The following ROBO1 variants were observed in gnomAD, a reference collection of about 807,000 sequenced individuals.
ROBO1 encodes roundabout guidance receptor 1, also known as roundabout homolog 1.
In ROBO1, 149 loss-of-function variants were observed where a neutral mutation model predicts 195.9. The observed-to-expected ratio is 0.76, with a 90% confidence interval of 0.67 to 0.87. ROBO1 has a LOEUF of 0.87. Among genes scored for constraint, ROBO1 ranks in the 40% least tolerant of loss-of-function variants. The probability of loss-of-function intolerance (pLI) is 0.00; values close to 1 mark genes in which losing one functional copy is unlikely to be tolerated. For synonymous variants in ROBO1, 816 were observed against 733.2 expected (o/e 1.11, Z -1.82); for missense variants, 1,933 against 2,068.3 (o/e 0.93, Z 1.27).
intron 3 of ROBO1, among the ~76,000 whole-genome samples, chr3:78,986,756 T>C (rs955102632): frequency 6.6e-6 from 1 of 152,156 alleles, no homozygotes; most frequent in Admixed American, 6.6e-5. Context: ...ATGTGAAGTC[T>C]TGGTTCTGAA....
At position 79,542,395 on chromosome 3, in the gene ROBO1, A is replaced by G. The variant is rs546111745; in HGVS notation, c.88+47429T>C. Among the ~76,000 whole-genome samples, 22 of 152,170 alleles carry G rather than the reference A, an allele frequency of 1.4e-4. No individual in the cohort carries two copies. The South Asian group carries it at 4.3e-3, about 30-fold the overall frequency. On this transcript the variant is annotated intron_variant, in intron 2 of 30. Coordinates refer to ENST00000464233, the MANE Select transcript of ROBO1 (RefSeq NM_002941.4). The stretch of plus-strand genomic sequence containing the variant: ...AGGTTGTAAAATTATGGCAAGAAAA[A>G]GTATAATTGTCACTTTCTAAATAAA...
chr3:79,507,235 G>T (rs1488951128), intron 2 of ROBO1, among the ~76,000 whole-genome samples: 3 of 152,192 alleles, frequency 2.0e-5, no homozygotes, highest in African/African-American at 4.8e-5. Context: ...TACGAAGAGG[G>T]TTCTTTGATA....
chr3:79,418,676 TAC>T (rs745985888), intron 2 of ROBO1, among the ~76,000 whole-genome samples: 7 of 152,146 alleles, frequency 4.6e-5, no homozygotes, highest in Non-Finnish European at 5.9e-5. Context: ...TTAGTAACTA[TAC>T]AAGAGAAAGA....
chr3:78,669,454 T>C (rs901027371), intron 11 of ROBO1, among the ~76,000 whole-genome samples: 4 of 152,190 alleles, frequency 2.6e-5, no homozygotes, highest in Non-Finnish European at 4.4e-5. Flanking sequence ...AGGACTATTC[T>C]TTCATATGCC....
At chr3:78,727,515 C>T (rs936098890) in intron 5 of ROBO1, among the ~76,000 whole-genome samples, 1 of 152,030 alleles carries the variant, frequency 6.6e-6, no homozygotes, top group African/African-American at 2.4e-5. Context: ...GTCCCAGCTA[C>T]TCGGGAGGCT....
chr3:78,673,605 T>C (rs4681009), intron 10 of ROBO1, among the ~76,000 whole-genome samples: 6,012 of 51,816 alleles, frequency 0.12, 226 homozygotes, highest in African/African-American at 0.13. Flanking sequence ...TATATATATA[T>C]ACACACATAT....
At chr3:79,280,511 A>G (rs1253734745) in intron 2 of ROBO1, among the ~76,000 whole-genome samples, 1 of 152,142 alleles carries the variant, frequency 6.6e-6, no homozygotes, top group African/African-American at 2.4e-5. Flanking sequence ...GGAAACAGGG[A>G]TCATAATTTA....
chr3:79,743,345 G>T (rs967185929), intron 1 of ROBO1, among the ~76,000 whole-genome samples: 13 of 152,090 alleles, frequency 8.5e-5, no homozygotes, highest in African/African-American at 3.1e-4. Flanking sequence ...ACATAGAAAA[G>T]GTAGAGTAAA....
intron 3 of ROBO1, among the ~76,000 whole-genome samples, chr3:78,960,088 C>A (rs1466003912): frequency 6.6e-6 from 1 of 151,960 alleles, no homozygotes; most frequent in African/African-American, 2.4e-5. Context: ...TTACTTGAGG[C>A]CAGGAATTCA....
intron 3 of ROBO1, among the ~76,000 whole-genome samples, chr3:78,992,950 G>C (rs2108069998): frequency 6.6e-6 from 1 of 152,240 alleles, no homozygotes; most frequent in Non-Finnish European, 1.5e-5. Flanking sequence ...GATTTTCGTA[G>C]GAGATGCGAA....
chr3:78,756,534 C>T (rs528003720), intron 4 of ROBO1, among the ~76,000 whole-genome samples: 1 of 152,226 alleles, frequency 6.6e-6, no homozygotes, highest in East Asian at 1.9e-4. Context: ...ATCATTCATT[C>T]AATAAAAGTA....
chr3:79,169,640 T>C (rs2081132190), intron 2 of ROBO1, among the ~76,000 whole-genome samples: 1 of 152,154 alleles, frequency 6.6e-6, no homozygotes, highest in Admixed American at 6.6e-5. Context: ...ATAAGATCCC[T>C]TAGGGTGGTT....
At chr3:78,968,337 C>T (rs1213651345) in intron 3 of ROBO1, among the ~76,000 whole-genome samples, 1 of 144,036 alleles carries the variant, frequency 6.9e-6, no homozygotes, top group East Asian at 2.1e-4. Flanking sequence ...TGCAGTGGTG[C>T]GATCTTGGCT....
chr3:79,360,914 C>A (rs2035743628), intron 2 of ROBO1, among the ~76,000 whole-genome samples: 2 of 152,094 alleles, frequency 1.3e-5, no homozygotes, highest in African/African-American at 2.4e-5. Flanking sequence ...TTGAACACTG[C>A]AGGTGGCCAT....
chr3:79,238,933 T>C (rs1420192270), intron 2 of ROBO1, among the ~76,000 whole-genome samples: 1 of 152,244 alleles, frequency 6.6e-6, no homozygotes, highest in Non-Finnish European at 1.5e-5. Flanking sequence ...ATATTCCATA[T>C]TGCAGTTTAG....
intron 2 of ROBO1, among the ~76,000 whole-genome samples, chr3:79,380,261 CT>C (rs1340548037): frequency 6.6e-6 from 1 of 152,030 alleles, no homozygotes; most frequent in African/African-American, 2.4e-5. Flanking sequence ...TGTCATTTTT[CT>C]TTGTAAAACT....
chr3:79,662,758 G>A (rs1381490986), intron 1 of ROBO1, among the ~76,000 whole-genome samples: 1 of 152,004 alleles, frequency 6.6e-6, no homozygotes, highest in East Asian at 1.9e-4. Context: ...ATGGAACAAT[G>A]GCAGCGAATA....
intron 21 of ROBO1, among the ~76,000 whole-genome samples, chr3:78,645,575 A>G (rs2107590717): frequency 6.6e-6 from 1 of 152,226 alleles, no homozygotes; most frequent in East Asian, 1.9e-4. Context: ...AATATATTAA[A>G]GTTCACTGAA....
At chr3:78,909,428 T>C (rs574795937) in intron 4 of ROBO1, among the ~76,000 whole-genome samples, 2 of 151,980 alleles carry the variant, frequency 1.3e-5, no homozygotes, top group South Asian at 2.1e-4. Context: ...CTACTGTTAA[T>C]AGCATGAGAG....
Sources: gnomAD v4.1 joint callset for allele counts (sites outside exome capture counted in the v4.1 genomes callset) on GRCh38, gnomAD v4.1.1 for gene constraint, MANE v1.5 for transcripts, NCBI Gene and HGNC (gene_info 2026-07-23, HGNC 2026-07-21) for gene names.